Variants in WDR43 observed in about 807,000 individuals in gnomAD.
The protein encoded by WDR43 is WD repeat-containing protein 43.
WDR43 carries 13 observed loss-of-function variants against 91.4 expected under a neutral mutation model. That is an observed-to-expected ratio of 0.14 (90% CI 0.09 to 0.23). The LOEUF is 0.23. Among genes scored for constraint, WDR43 ranks in the 10% least tolerant of loss-of-function variants. WDR43 has a pLI of 1.00. For synonymous variants in WDR43, 331 were observed against 287.9 expected (o/e 1.15, Z -1.51); for missense variants, 780 against 809.4 (o/e 0.96, Z 0.44).
chr2:28,919,094 C>G (rs374429551), intron 6 of WDR43, among the ~76,000 whole-genome samples: 1 of 151,948 alleles, frequency 6.6e-6, no homozygotes, highest in Non-Finnish European at 1.5e-5. Context: ...CCTGTCTCTA[C>G]AAAAAATAAA....
chr2:28,927,110 C>G (rs756499197), intron 9 of WDR43: 4 of 519,558 alleles, frequency 7.7e-6, no homozygotes, highest in Non-Finnish European at 1.5e-5. Context: ...GGCTGAGTTT[C>G]AGAGATGACA....
At chr2:28,916,537 G>A (rs949186282) in intron 5 of WDR43, among the ~76,000 whole-genome samples, 1 of 152,044 alleles carries the variant, frequency 6.6e-6, no homozygotes, top group Admixed American at 6.6e-5. Flanking sequence ...TGGATATCCA[G>A]GGATCCCAGT....
At position 28,942,246 on chromosome 2, in the gene WDR43, C is replaced by T. The variant is rs1428542386; in HGVS notation, c.1735-66C>T. On this transcript the variant is annotated intron_variant, in intron 15 of 17. Coordinates refer to ENST00000407426, the MANE Select transcript of WDR43 (RefSeq NM_015131.3). ...CAAGCAGTGGGGAAGGTTGGGTATG[C>T]TGGTGGTCGTGATACTTGGGATATG... 8 of 1,508,586 alleles carry T rather than the reference C, an allele frequency of 5.3e-6. No individual in the cohort carries two copies. In the East Asian group the frequency reaches 1.4e-4, roughly 27 times the overall value. 93.5% of individuals were successfully genotyped at this position (1,508,586 alleles called of 1,614,324 possible). A position where few individuals can be genotyped will look rare whatever the true frequency, so the allele number is the denominator to read the frequency against.
At chr2:28,898,587 A>G (rs1670524421) in intron 1 of WDR43, among the ~76,000 whole-genome samples, 1 of 152,226 alleles carries the variant, frequency 6.6e-6, no homozygotes, top group Admixed American at 6.5e-5. Context: ...TAATTGCAGA[A>G]TGAAACTTGA....
intron 6 of WDR43, among the ~76,000 whole-genome samples, chr2:28,921,953 A>G (rs576013692): frequency 1.2e-4 from 18 of 151,962 alleles, no homozygotes; most frequent in African/African-American, 3.1e-4. Context: ...GGCTCTAGCT[A>G]TCTTCCCGCC....
intron 6 of WDR43, among the ~76,000 whole-genome samples, chr2:28,918,753 CGAT>C (rs1021227976): frequency 1.7e-4 from 26 of 152,026 alleles, no homozygotes; most frequent in Non-Finnish European, 2.8e-4. Context: ...ATTAGGGATT[CGAT>C]GATTAAAGGA....
chr2:28,941,786 G>A (rs555258595), intron 15 of WDR43, among the ~76,000 whole-genome samples: 9 of 152,088 alleles, frequency 5.9e-5, no homozygotes, highest in East Asian at 5.8e-4. Flanking sequence ...TTAAATTTTC[G>A]TAGAGATGGC....
chr2:28,944,653 A>G (rs192752582), intron 16 of WDR43, among the ~76,000 whole-genome samples: 21 of 152,374 alleles, frequency 1.4e-4, no homozygotes, highest in African/African-American at 4.8e-4. Context: ...GTTAACACGC[A>G]TAAGTTTGAT....
intron 3 of WDR43, among the ~76,000 whole-genome samples, chr2:28,908,684 A>G (rs1670731505): frequency 6.6e-6 from 1 of 152,216 alleles, no homozygotes; most frequent in African/African-American, 2.4e-5. Flanking sequence ...GTGTTGTCTC[A>G]TAATTTCATT....
In WDR43 at chr2:28,901,625, T is replaced by G. The variant is rs543188518; in HGVS notation, c.226-362T>G. 1.1e-4 allele frequency among the ~76,000 whole-genome samples: 16 copies of G among 152,200 alleles called. No homozygotes were observed. The South Asian group carries it at 3.3e-3, about 32-fold the overall frequency. ...CATAGATTTTTGGGTATGAATCTCT[T>G]TGGTTGGGGAGTGAAGGCTTCGCTT... On this transcript the variant is annotated intron_variant, in intron 1 of 17. Transcript: ENST00000407426.
chr2:28,903,156 A>G (rs1446830173), intron 2 of WDR43, among the ~76,000 whole-genome samples: 1 of 152,162 alleles, frequency 6.6e-6, no homozygotes, highest in African/African-American at 2.4e-5. Flanking sequence ...ATATTTGTCA[A>G]TAACTGGTTA....
At chr2:28,909,352 C>T (rs1572583828) in intron 3 of WDR43, among the ~76,000 whole-genome samples, 1 of 152,002 alleles carries the variant, frequency 6.6e-6, no homozygotes, top group African/African-American at 2.4e-5. Context: ...AGGCTGGTCT[C>T]GAACTCCTGA....
chr2:28,948,050 A>G lies in WDR43; in HGVS notation c.*1271A>G, dbSNP rs1287818339. The G allele has an allele frequency of 6.6e-6, 1 of 152,132 alleles. No homozygotes were observed. The highest frequency in any genetic ancestry group is 1.5e-5 in the Non-Finnish European group (1 of 68,028). The allele number at this position is 152,132 out of a possible 1,614,324, so 9.4% of individuals were successfully genotyped here. On this transcript the variant is annotated 3_prime_UTR_variant, in exon 18 of 18. Coordinates refer to ENST00000407426, the MANE Select transcript of WDR43 (RefSeq NM_015131.3). ...GAGTTTTTAATACCAATGACAGAAC[A>G]GAGATTTGTGTGCTCATCTTAAGAG...
chr2:28,897,238 A>G (rs1351529675), intron 1 of WDR43, among the ~76,000 whole-genome samples: 1 of 152,210 alleles, frequency 6.6e-6, no homozygotes, highest in Non-Finnish European at 1.5e-5. Flanking sequence ...AAACTTGCAC[A>G]TATATTATGG....
chr2:28,895,056 G>C, intron 1 of WDR43, 133 bp downstream of exon 1: 1 of 922,058 alleles, frequency 1.1e-6, no homozygotes, highest in Non-Finnish European at 1.4e-6. Context: ...AGGCGGCGTC[G>C]GCGCGTTCAG....
intron 12 of WDR43, among the ~76,000 whole-genome samples, chr2:28,936,687 A>G (rs550201025): frequency 3.3e-5 from 5 of 152,086 alleles, no homozygotes; most frequent in Admixed American, 6.5e-5. Context: ...TCACTAAGCT[A>G]TTTTCTGTCT....
At chr2:28,931,615 C>A (rs1671245818) in intron 11 of WDR43, among the ~76,000 whole-genome samples, 1 of 148,884 alleles carries the variant, frequency 6.7e-6, no homozygotes, top group African/African-American at 2.5e-5. Flanking sequence ...AGATCTAGTT[C>A]TGGTTAGATC....
intron 1 of WDR43, among the ~76,000 whole-genome samples, chr2:28,901,613 G>A (rs1284766531): frequency 6.6e-6 from 1 of 152,176 alleles, no homozygotes; most frequent in Non-Finnish European, 1.5e-5. Flanking sequence ...AGATTTTTGG[G>A]TATGAATCTC....
chr2:28,946,903 CA>C lies in WDR43; in HGVS notation c.*125del. ...TTTCCAAATTCACAGCAGTGGATCC[CA>C]TGCCACTTTGCTGTCCTGAGCACCC... On this transcript the variant is annotated 3_prime_UTR_variant, in exon 18 of 18. Transcript: ENST00000407426. The C allele has an allele frequency of 8.7e-7, 1 of 1,154,992 alleles. No individual in the cohort carries two copies. The highest frequency in any genetic ancestry group is 1.7e-5 in the South Asian group (1 of 60,090). 71.5% of individuals were successfully genotyped at this position (1,154,992 alleles called of 1,614,324 possible). A position where few individuals can be genotyped will look rare whatever the true frequency, so the allele number is the denominator to read the frequency against.
Sources: gnomAD v4.1 joint callset for allele counts (sites outside exome capture counted in the v4.1 genomes callset) on GRCh38, gnomAD v4.1.1 for gene constraint, MANE v1.5 for transcripts, NCBI Gene and HGNC (gene_info 2026-07-23, HGNC 2026-07-21) for gene names.